The following STAU1 variants were observed in gnomAD, a reference collection of about 807,000 sequenced individuals.
STAU1 encodes double-stranded RNA-binding protein Staufen homolog 1.
STAU1 carries 13 observed loss-of-function variants against 62.9 expected under a neutral mutation model. The ratio of observed to expected loss-of-function variants is 0.21; its 90% CI spans 0.13 to 0.33. The LOEUF (loss-of-function observed/expected upper bound fraction) is 0.33, where lower values mean the gene tolerates loss of function less well. STAU1 is among the 10% of genes least tolerant of loss of function. STAU1 has a pLI of 1.00. For missense variants in STAU1, 571 were observed against 712.1 expected, an observed-to-expected ratio of 0.80 and a Z score of 2.25; for synonymous variants, 269 against 265.1, an observed-to-expected ratio of 1.01 and a Z score of -0.14.
At chr20:49,147,889 GAAAT>G (rs1383502375) in intron 5 of STAU1, among the ~76,000 whole-genome samples, 2 of 152,170 alleles carry the variant, frequency 1.3e-5, no homozygotes, top group East Asian at 3.8e-4. Context: ...CCATTTTTAT[GAAAT>G]AGATAGGCAT....
chr20:49,150,630 G>A (rs1219564397), intron 5 of STAU1, among the ~76,000 whole-genome samples: 1 of 152,034 alleles, frequency 6.6e-6, no homozygotes, highest in East Asian at 1.9e-4. Context: ...CAAAGTGCTG[G>A]GATTACAGGC....
rs187212761 is a variant in STAU1, at chr20:49,144,649, C to G, written c.510+6933G>C. Among the ~76,000 whole-genome samples, 247 of 152,276 alleles carry G rather than the reference C, an allele frequency of 1.6e-3. 1 individual carries two copies. Among genetic ancestry groups the G allele is most frequent in the African/African-American group, 5.2e-3 (215 of 41,548 alleles). On this transcript the variant is annotated intron_variant, in intron 5 of 13. Coordinates refer to ENST00000371856, the MANE Select transcript of STAU1 (RefSeq NM_017453.4). ...AAAATAGAAAAATTCTGGATTCTCA[C>G]CTGGGTTCAATGAAAGCAAAAAGGA...
chr20:49,146,311 C>A (rs1379498860), intron 5 of STAU1, among the ~76,000 whole-genome samples: 1 of 152,044 alleles, frequency 6.6e-6, no homozygotes, highest in Non-Finnish European at 1.5e-5. Flanking sequence ...TTTAACTTTA[C>A]TCCTAATTAA....
In STAU1 at chr20:49,114,819, G is replaced by GTTTCAGTAT; in HGVS notation, c.*50_*58dup. The GTTTCAGTAT allele has an allele frequency of 6.4e-7, 1 of 1,574,770 alleles. No individual in the cohort carries two copies. Among genetic ancestry groups the GTTTCAGTAT allele is most frequent in the East Asian group, 2.2e-5 (1 of 44,710 alleles). On this transcript the variant is annotated 3_prime_UTR_variant, in exon 14 of 14. Transcript: ENST00000371856. ...TCAGAAATTCCAAATTTTCAAAGCA[G>GTTTCAGTAT]TTTCAGTATTTTCAGTATATATGTT...
chr20:49,115,220 G>A (rs1249322869), intron 13 of STAU1, among the ~76,000 whole-genome samples: 2 of 152,080 alleles, frequency 1.3e-5, no homozygotes, highest in East Asian at 1.9e-4. Context: ...GGGATGGGAT[G>A]GGGGCTGTCC....
intron 3 of STAU1, among the ~76,000 whole-genome samples, chr20:49,160,064 G>C (rs902825718): frequency 5.9e-5 from 9 of 152,154 alleles, no homozygotes; most frequent in African/African-American, 2.2e-4. Context: ...GTGCTCCACA[G>C]GTTAACATAT....
upstream of STAU1, among the ~76,000 whole-genome samples, chr20:49,192,845 T>C (rs1289667351): frequency 6.6e-6 from 1 of 152,040 alleles, no homozygotes; most frequent in Admixed American, 6.5e-5. Flanking sequence ...CCAAGAAAAA[T>C]AACAAACAGG....
chr20:49,191,120 C>T (rs753292907), upstream of STAU1, among the ~76,000 whole-genome samples: 3 of 151,780 alleles, frequency 2.0e-5, no homozygotes, highest in Non-Finnish European at 4.4e-5. Context: ...CTCCACCTCC[C>T]GGGCTCAAGC....
chr20:49,124,714 G>C, intron 6 of STAU1, 127 bp from the exon 7 acceptor site: 1 of 891,576 alleles, frequency 1.1e-6, no homozygotes, highest in South Asian at 1.5e-5. Context: ...CTAAATGAAA[G>C]GAAGCGGGGA....
chr20:49,138,088 C>T (rs773210570), intron 5 of STAU1, among the ~76,000 whole-genome samples: 2 of 151,970 alleles, frequency 1.3e-5, no homozygotes, highest in African/African-American at 2.4e-5. Flanking sequence ...TTGAGACCAG[C>T]GTGGGCAACA....
intron 10 of STAU1, 97 bp downstream of exon 10, chr20:49,118,236 A>G: frequency 7.2e-7 from 1 of 1,385,308 alleles, no homozygotes; most frequent in Non-Finnish European, 1.0e-6. Context: ...GACACTTTGC[A>G]TGCGGGACCT....
intron 10 of STAU1, 96 bp downstream of exon 10, chr20:49,118,237 T>C: frequency 1.4e-6 from 2 of 1,388,240 alleles, no homozygotes; most frequent in South Asian, 2.4e-5. Context: ...ACACTTTGCA[T>C]GCGGGACCTC....
chr20:49,127,360 T>C (rs2092652279), intron 6 of STAU1, among the ~76,000 whole-genome samples: 1 of 149,790 alleles, frequency 6.7e-6, no homozygotes, highest in Admixed American at 6.7e-5. Context: ...ATCTCAAAAA[T>C]AAATAAATGA....
Position 49,154,026 on chromosome 20 carries a change from A to C in STAU1, c.251T>G (p.Leu84Arg), listed in dbSNP as rs1471035353. Residue 84 changes from leucine to arginine, a missense_variant, in exon 4 of 14, where the codon CTT (leucine) becomes CGT (arginine). Transcript: ENST00000371856. ...TVELNALCMK[L>R]GKKPMYKPVD... ...AGGCTTATACATTGGTTTTTTTCCA[A>C]GTTTCATGCACAGTGCATTTAGTTC... The C allele has an allele frequency of 6.2e-7, 1 of 1,613,394 alleles. No individual in the cohort carries two copies. The highest frequency in any genetic ancestry group is 1.1e-5 in the South Asian group (1 of 90,906).
At chr20:49,203,041 C>CA in the STAU1 span, among the ~76,000 whole-genome samples, 1 of 149,202 alleles carries the variant, frequency 6.7e-6, no homozygotes, top group African/African-American at 2.5e-5. Context: ...TGCTCTGTCT[C>CA]AAAAAAAGAA....
chr20:49,209,127 G>T, the STAU1 span, among the ~76,000 whole-genome samples: 1 of 151,282 alleles, frequency 6.6e-6, no homozygotes, highest in African/African-American at 2.4e-5. Context: ...GAAGAGACGG[G>T]TTTCATCATG....
intron 5 of STAU1, among the ~76,000 whole-genome samples, chr20:49,145,425 A>C (rs1361644510): frequency 6.0e-4 from 1 of 1,674 alleles, no homozygotes; most frequent in Non-Finnish European, 1.5e-3. Flanking sequence ...CTCCGTCTCA[A>C]AAAAAAAAAA....
intron 1 of STAU1, among the ~76,000 whole-genome samples, chr20:49,183,973 C>T (rs529020258): frequency 6.6e-6 from 1 of 151,410 alleles, no homozygotes; most frequent in East Asian, 1.9e-4. Context: ...CTTGTTGCCC[C>T]GGCTGGAGTG....
chr20:49,114,589 T>G lies in STAU1; in HGVS notation c.*289A>C. ...GGTGCCCAGGGTGTGGATCTGCTGG[T>G]GTCCCGGGAGAACCAGCTGGCTGGG... On this transcript the variant is annotated 3_prime_UTR_variant, in exon 14 of 14. Coordinates refer to ENST00000371856, the MANE Select transcript of STAU1 (RefSeq NM_017453.4). The G allele has an allele frequency of 5.0e-6, 2 of 399,800 alleles. No homozygotes were observed. Among genetic ancestry groups the G allele is most frequent in the Non-Finnish European group, 9.0e-6 (2 of 221,494 alleles). 24.8% of individuals were successfully genotyped at this position (399,800 alleles called of 1,614,324 possible).
Sources: allele counts gnomAD v4.1 joint callset (sites outside exome capture counted in the v4.1 genomes callset), GRCh38; gene constraint gnomAD v4.1.1; transcripts MANE v1.5; gene names NCBI Gene and HGNC (gene_info 2026-07-23, HGNC 2026-07-21).